C19orf18: variants seen among roughly 807,000 people sequenced by gnomAD.
C19orf18 encodes the protein uncharacterized protein C19orf18.
In C19orf18, 21 loss-of-function variants were observed where a neutral mutation model predicts 23.3. That is an observed-to-expected ratio of 0.90 (90% CI 0.64 to 1.30). C19orf18 has a LOEUF of 1.30. Ranked by LOEUF, C19orf18 falls within the 50% of genes most tolerant of loss-of-function variation. The pLI is 0.00. For synonymous variants in C19orf18, 96 were observed against 95.2 expected (o/e 1.01, Z -0.05); for missense variants, 249 against 259.6 (o/e 0.96, Z 0.28).
chr19:57,960,592 G>A (rs1196715227), intron 5 of C19orf18, among the ~76,000 whole-genome samples: 1 of 152,110 alleles, frequency 6.6e-6, no homozygotes, highest in East Asian at 1.9e-4. Context: ...CCATTTTCAC[G>A]TCAGATGGAG....
Position 57,963,626 on chromosome 19 carries a change from G to A in C19orf18, c.372-2075C>T, listed in dbSNP as rs181856173. Among the ~76,000 whole-genome samples, 391 of 152,160 alleles carry A rather than the reference G, an allele frequency of 2.6e-3. 2 individuals carry two copies. Among genetic ancestry groups the A allele is most frequent in the Middle Eastern group, 0.01 (3 of 294 alleles). On this transcript the variant is annotated intron_variant, in intron 4 of 5. Transcript: ENST00000314391. ...ATCTAGGCCAAGCACAGTGGCTCAC[G>A]CCTGTAATCCCAGCACTTTGGGAGT...
At chr19:57,966,223 C>G (rs894221553) in intron 4 of C19orf18, among the ~76,000 whole-genome samples, 3 of 152,056 alleles carry the variant, frequency 2.0e-5, no homozygotes, top group African/African-American at 7.2e-5. Flanking sequence ...ATGATCCACC[C>G]GCCTCGGCCT....
rs1006768295 is a variant in C19orf18 at position 57,962,758 on chromosome 19, G to A, written c.372-1207C>T. On this transcript the variant is annotated intron_variant, in intron 4 of 5. Coordinates refer to ENST00000314391, the MANE Select transcript of C19orf18 (RefSeq NM_152474.5). The stretch of plus-strand genomic sequence containing the variant: ...TGTAATCCCAGCTACTTGGGAGGCT[G>A]AGGCAGGAGAATCACTTGAACCTGG... Among the ~76,000 whole-genome samples, 14 of 151,998 alleles carry A rather than the reference G, an allele frequency of 9.2e-5. No homozygotes were observed. In the East Asian group the frequency reaches 1.4e-3, roughly 15 times the overall value.
At chr19:57,964,130 C>T (rs11672643) in intron 4 of C19orf18, among the ~76,000 whole-genome samples, 1 of 152,032 alleles carries the variant, frequency 6.6e-6, no homozygotes, top group Non-Finnish European at 1.5e-5. Context: ...TAGCTTAGTG[C>T]TAATACAAAT....
At position 57,974,464 on chromosome 19, in the gene C19orf18, G is replaced by A. The variant is rs1002348539; in HGVS notation, c.-32C>T. 6.2e-7 allele frequency: 1 copy of A among 1,610,058 alleles called. No individual in the cohort carries two copies. Among genetic ancestry groups the A allele is most frequent in the Non-Finnish European group, 8.5e-7 (1 of 1,178,142 alleles). On this transcript the variant is annotated 5_prime_UTR_variant, in exon 1 of 6. Transcript: ENST00000314391. Reference sequence around the variant, plus strand: ...CAAATTATCAGTATTTTATCCCGTAGATGAAAGGAAATACTTAGCTACAGT... The same window carrying A: ...CAAATTATCAGTATTTTATCCCGTAAATGAAAGGAAATACTTAGCTACAGT...
intron 3 of C19orf18, among the ~76,000 whole-genome samples, chr19:57,969,583 A>C (rs1302571183): frequency 6.8e-6 from 1 of 147,876 alleles, no homozygotes; most frequent in Non-Finnish European, 1.5e-5. Context: ...AAAAAAAAAA[A>C]AAAAAAAAAA....
Position 57,972,376 on chromosome 19 carries a change from G to A in C19orf18, c.268+87C>T, listed in dbSNP as rs1045857584. The stretch of plus-strand genomic sequence containing the variant: ...GCACCACGTGTGCAGGCTCCTTGGT[G>A]ACCAGCCAGCACCCTCTGGAGCCAC... On this transcript the variant is annotated intron_variant, in intron 3 of 5. Transcript: ENST00000314391. 43 of 1,496,004 alleles carry A rather than the reference G, an allele frequency of 2.9e-5. No homozygotes were observed. The South Asian group carries it at 5.0e-4, about 17-fold the overall frequency. 92.7% of individuals were successfully genotyped at this position (1,496,004 alleles called of 1,614,324 possible). A position where few individuals can be genotyped will look rare whatever the true frequency, so the allele number is the denominator to read the frequency against.
intron 2 of C19orf18, among the ~76,000 whole-genome samples, chr19:57,973,284 T>C (rs1399653117): frequency 6.6e-6 from 1 of 151,458 alleles, no homozygotes; most frequent in East Asian, 1.9e-4. Flanking sequence ...AGCATTTCCC[T>C]TGCATGGAAT....
chr19:57,958,687 TTAA>T lies in C19orf18; in HGVS notation c.560_562del (p.Ile187del). ...GTTTTGCTCTTCCTTCAGTTTCTTC[TTAA>T]TATTTTTGCTTCTTTTTGATATAAT... On this transcript the variant is annotated inframe_deletion, in exon 6 of 6. Transcript: ENST00000314391. 6.3e-7 allele frequency: 1 copy of T among 1,596,412 alleles called. No homozygotes were observed. The highest frequency in any genetic ancestry group is 8.5e-7 in the Non-Finnish European group (1 of 1,170,088).
intron 3 of C19orf18, among the ~76,000 whole-genome samples, chr19:57,972,060 G>A (rs1017462705): frequency 2.0e-5 from 3 of 152,192 alleles, no homozygotes; most frequent in Non-Finnish European, 4.4e-5. Context: ...GCTCTGGGGC[G>A]GGAGCAGCAG....
At position 57,959,593 on chromosome 19, in the gene C19orf18, C is replaced by G. The variant is rs548696003; in HGVS notation, c.533-876G>C. ...TGAACCAAGATCACACCACTGCACT[C>G]CAGCCTGGGCAACAGAGCGAGACTC... is the stretch of plus-strand genomic sequence containing the variant. On this transcript the variant is annotated intron_variant, in intron 5 of 5. Transcript: ENST00000314391. 8.6e-5 allele frequency among the ~76,000 whole-genome samples: 13 copies of G among 151,164 alleles called. No homozygotes were observed. In the East Asian group the frequency reaches 2.6e-3, roughly 30 times the overall value.
intron 5 of C19orf18, among the ~76,000 whole-genome samples, chr19:57,960,108 C>CA (rs112008695): frequency 6.8e-5 from 10 of 146,348 alleles, no homozygotes; most frequent in South Asian, 2.2e-4. Flanking sequence ...GACTCTGTCT[C>CA]AAAAAAAAAA....
At chr19:57,963,554 T>TTGAAAACTGG (rs1336272600) in intron 4 of C19orf18, among the ~76,000 whole-genome samples, 1 of 152,152 alleles carries the variant, frequency 6.6e-6, no homozygotes, top group African/African-American at 2.4e-5. Flanking sequence ...TATTTAATAA[T>TTGAAAACTGG]TGAAAACTGG....
chr19:57,962,159 T>A (rs1024991685), intron 4 of C19orf18, among the ~76,000 whole-genome samples: 1 of 151,958 alleles, frequency 6.6e-6, no homozygotes, highest in Non-Finnish European at 1.5e-5. Flanking sequence ...GCCTCCTAAG[T>A]AGCTGGGACC....
chr19:57,961,190 G>C (rs552095433), intron 5 of C19orf18, among the ~76,000 whole-genome samples: 2 of 151,462 alleles, frequency 1.3e-5, no homozygotes, highest in Non-Finnish European at 2.9e-5. Context: ...AGCAGAGATC[G>C]CGCCACTGCA....
intron 3 of C19orf18, among the ~76,000 whole-genome samples, chr19:57,970,452 C>T (rs1053089384): frequency 6.6e-6 from 1 of 152,162 alleles, no homozygotes; most frequent in East Asian, 1.9e-4. Flanking sequence ...GTCAGTGTCT[C>T]GTGGGTGGAC....
At chr19:57,972,652 C>T in intron 2 of C19orf18, 148 bp from the exon 3 acceptor site, 2 of 845,548 alleles carry the variant, frequency 2.4e-6, no homozygotes, top group Non-Finnish European at 3.6e-6. Flanking sequence ...TAATACATTC[C>T]TCCCAATGCC....
At chr19:57,961,965 C>A (rs2072876240) in intron 4 of C19orf18, among the ~76,000 whole-genome samples, 1 of 146,804 alleles carries the variant, frequency 6.8e-6, no homozygotes, top group Non-Finnish European at 1.5e-5. Flanking sequence ...TTTTTCTTTC[C>A]CTTTCTCTCT....
At chr19:57,973,682 G>A (rs901382307) in intron 2 of C19orf18, among the ~76,000 whole-genome samples, 61 of 149,302 alleles carry the variant, frequency 4.1e-4, no homozygotes, top group African/African-American at 1.3e-3. Flanking sequence ...CCGAGATCGC[G>A]CCACTGCACT....
Sources: allele counts gnomAD v4.1 joint callset (sites outside exome capture counted in the v4.1 genomes callset), GRCh38; gene constraint gnomAD v4.1.1; transcripts MANE v1.5; gene names NCBI Gene and HGNC (gene_info 2026-07-23, HGNC 2026-07-21).